The following DCHS2 variants were observed in gnomAD, a reference collection of about 807,000 sequenced individuals.
The protein encoded by DCHS2 is protocadherin-23.
DCHS2 carries 142 observed loss-of-function variants against 182.4 expected under a neutral mutation model. The ratio of observed to expected loss-of-function variants is 0.78; its 90% CI spans 0.68 to 0.89. The LOEUF is 0.89. DCHS2 is among the 40% of genes least tolerant of loss of function. DCHS2 has a pLI of 0.00. For missense variants in DCHS2, 4,319 were observed against 4,198.6 expected, an observed-to-expected ratio of 1.03 and a Z score of -0.79; for synonymous variants, 1,740 against 1,663.3, an observed-to-expected ratio of 1.05 and a Z score of -1.12.
At chr4:154,385,081 C>G (rs1344179069) in intron 1 of DCHS2, among the ~76,000 whole-genome samples, 1 of 117,480 alleles carries the variant, frequency 8.5e-6, no homozygotes, top group Non-Finnish European at 1.7e-5. Context: ...CCCCTCCCCC[C>G]ACCCCACAAC....
chr4:154,473,639 A>G (rs368658397), intron 1 of DCHS2, among the ~76,000 whole-genome samples: 60 of 152,292 alleles, frequency 3.9e-4, no homozygotes, highest in African/African-American at 1.4e-3. Context: ...CCACCTTGAC[A>G]GAGAGGGGTG....
intron 13 of DCHS2, among the ~76,000 whole-genome samples, chr4:154,283,546 T>G (rs1308445314): frequency 6.6e-6 from 1 of 152,140 alleles, no homozygotes; most frequent in Non-Finnish European, 1.5e-5. Flanking sequence ...TGAAATAGAT[T>G]TTTAATAGGA....
intron 3 of DCHS2, among the ~76,000 whole-genome samples, chr4:154,351,313 A>T (rs1456144574): frequency 6.6e-6 from 1 of 152,208 alleles, no homozygotes; most frequent in Non-Finnish European, 1.5e-5. Flanking sequence ...TGTGTGGGCA[A>T]ATTTGGAGGG....
At chr4:154,361,019 A>G (rs1422353140) in intron 3 of DCHS2, among the ~76,000 whole-genome samples, 1 of 152,188 alleles carries the variant, frequency 6.6e-6, no homozygotes, top group African/African-American at 2.4e-5. Flanking sequence ...CACTGAATAA[A>G]TATGTATTGA....
intron 13 of DCHS2, among the ~76,000 whole-genome samples, chr4:154,279,441 G>A (rs1734019731): frequency 6.6e-6 from 1 of 151,952 alleles, no homozygotes; most frequent in African/African-American, 2.4e-5. Context: ...CCAAAAGAGT[G>A]TAGGGTTGGC....
chr4:154,413,169 C>T (rs1337820329), intron 1 of DCHS2, among the ~76,000 whole-genome samples: 2 of 152,134 alleles, frequency 1.3e-5, no homozygotes, highest in African/African-American at 4.8e-5. Context: ...TGCACTTTGG[C>T]CCATGACATT....
rs769447357 is a variant in DCHS2 at position 154,259,553 on chromosome 4, C to T, written c.6781G>A (p.Val2261Ile). The change falls in exon 15 of 20, where the codon GTC becomes ATC. Residue 2261 changes from valine to isoleucine, a missense_variant. Transcript: ENST00000357232. ...VSESQLYNAH[V>I]IQVFATDLDS... is the part of the protein sequence containing the mutation. ...AAATATATTTCTGTTACCTGTATGA[C>T]ATGAGCATTGTAGAGTTGGCTTTCA... The T allele has an allele frequency of 6.2e-7, 1 of 1,613,636 alleles. No homozygotes were observed. The highest frequency in any genetic ancestry group is 8.5e-7 in the Non-Finnish European group (1 of 1,179,958).
intron 15 of DCHS2, among the ~76,000 whole-genome samples, chr4:154,256,836 T>C (rs1156350764): frequency 6.6e-6 from 1 of 152,100 alleles, no homozygotes; most frequent in Non-Finnish European, 1.5e-5. Flanking sequence ...CAGGGGACCC[T>C]GAGTGACCCA....
chr4:154,310,744 T>C (rs1454024271), intron 10 of DCHS2, among the ~76,000 whole-genome samples: 1 of 152,194 alleles, frequency 6.6e-6, no homozygotes, highest in Non-Finnish European at 1.5e-5. Context: ...CCCATCTTTA[T>C]GCAAACTCTC....
intron 7 of DCHS2, among the ~76,000 whole-genome samples, chr4:154,323,595 A>G (rs1736166138): frequency 6.6e-6 from 1 of 152,326 alleles, no homozygotes; most frequent in Non-Finnish European, 1.5e-5. Context: ...TCCAAAAAAT[A>G]TGAGATCCAA....
chr4:154,360,223 A>G (rs1378610591), intron 3 of DCHS2, among the ~76,000 whole-genome samples: 1 of 152,120 alleles, frequency 6.6e-6, no homozygotes, highest in Non-Finnish European at 1.5e-5. Flanking sequence ...TCTGAGACAG[A>G]GCAGCACAGG....
At position 154,461,091 on chromosome 4, in the gene DCHS2, C is replaced by T. The variant is rs145514056; in HGVS notation, c.2052+28213G>A. On this transcript the variant is annotated intron_variant, in intron 1 of 19. Transcript: ENST00000357232. ...ACATCAGGTCCTCAGAAAACTACTT[C>T]CACCAGCCTTAGGAAGCCCCAAAGA... 4.2e-3 allele frequency among the ~76,000 whole-genome samples: 643 copies of T among 152,242 alleles called. 4 individuals are homozygous for T. Among genetic ancestry groups the T allele is most frequent in the African/African-American group, 0.015 (607 of 41,548 alleles).
intron 3 of DCHS2, among the ~76,000 whole-genome samples, chr4:154,363,832 T>TATATA (rs1561068535): frequency 1.8e-4 from 27 of 152,280 alleles, no homozygotes; most frequent in African/African-American, 6.5e-4. Context: ...CAATGTGTTT[T>TATATA]CAGTTGCTGT....
intron 16 of DCHS2, 112 bp from the exon 17 acceptor site, chr4:154,242,884 T>C: frequency 7.3e-7 from 1 of 1,366,466 alleles, no homozygotes; most frequent in Non-Finnish European, 9.5e-7. Flanking sequence ...TAGCTACTTT[T>C]ATTTTTCTCT....
intron 6 of DCHS2, among the ~76,000 whole-genome samples, chr4:154,328,401 G>A (rs986462349): frequency 3.9e-5 from 6 of 152,064 alleles, no homozygotes; most frequent in Non-Finnish European, 5.9e-5. Context: ...TATTCAATTA[G>A]AATGAATTAT....
chr4:154,452,388 C>G (rs1428287398), intron 1 of DCHS2, among the ~76,000 whole-genome samples: 4 of 152,014 alleles, frequency 2.6e-5, no homozygotes, highest in Non-Finnish European at 5.9e-5. Flanking sequence ...ATTTGGGAGG[C>G]CCAGGCGGGT....
chr4:154,388,900 A>C (rs917485361), intron 1 of DCHS2, among the ~76,000 whole-genome samples: 2 of 152,184 alleles, frequency 1.3e-5, no homozygotes, highest in African/African-American at 4.8e-5. Context: ...CCGTCTGTCT[A>C]TTGAACTATT....
intron 1 of DCHS2, among the ~76,000 whole-genome samples, chr4:154,392,918 T>C (rs1731772088): frequency 6.6e-6 from 1 of 152,208 alleles, no homozygotes; most frequent in South Asian, 2.1e-4. Context: ...ACTTCATTGA[T>C]GCAGCTTTAA....
Position 154,235,417 on chromosome 4 carries a change from C to A in DCHS2, c.9235G>T (p.Glu3079Ter). ...CTGTACAGATTGACAATATCCTTCT[C>A]CATGATACTTATTAAACTCAACCAT... Reference protein sequence around the residue: ...PEWLSLISIMEKDIVNLYRHS... With the variant: ...PEWLSLISIM The change falls in exon 20 of 20, where the codon GAG (glutamate) becomes TAG (stop). Residue 3079 changes from glutamate (E) to a stop codon, truncating the protein, a stop_gained. Transcript: ENST00000357232. LOFTEE classifies it low-confidence loss of function (END_TRUNC). 1 of 1,614,086 alleles carries A rather than the reference C, an allele frequency of 6.2e-7. No homozygotes were observed. The highest frequency in any genetic ancestry group is 8.5e-7 in the Non-Finnish European group (1 of 1,179,968).
Sources: gnomAD v4.1 joint callset for allele counts (sites outside exome capture counted in the v4.1 genomes callset) on GRCh38, gnomAD v4.1.1 for gene constraint, MANE v1.5 for transcripts, NCBI Gene and HGNC (gene_info 2026-07-23, HGNC 2026-07-21) for gene names.